Variants in ARB2A observed in about 807,000 individuals in gnomAD.
The protein encoded by ARB2A is cotranscriptional regulator ARB2A.
At chr5:93,856,027 A>C in the ARB2A span, among the ~76,000 whole-genome samples, 23 of 152,212 alleles carry the variant, frequency 1.5e-4, no homozygotes, top group South Asian at 4.2e-3. Context: ...GAGCTACAGG[A>C]GGAAATTCAA....
At chr5:93,801,806 A>C in the ARB2A span, among the ~76,000 whole-genome samples, 1 of 152,142 alleles carries the variant, frequency 6.6e-6, no homozygotes, top group East Asian at 1.9e-4. Flanking sequence ...ACTCACTGTG[A>C]AGACATCTAA....
At chr5:93,866,053 T>C in the ARB2A span, 2 of 983,316 alleles carry the variant, frequency 2.0e-6, no homozygotes, top group African/African-American at 1.7e-5. Context: ...TAATATGCTA[T>C]TAATTCTTAA....
At chr5:94,036,778 T>C in the ARB2A span, among the ~76,000 whole-genome samples, 5 of 152,336 alleles carry the variant, frequency 3.3e-5, no homozygotes, top group African/African-American at 1.2e-4. Context: ...CCCCATTTCA[T>C]GGCACTCATT....
the ARB2A span, among the ~76,000 whole-genome samples, chr5:93,659,631 C>A: frequency 6.6e-6 from 1 of 152,098 alleles, no homozygotes; most frequent in East Asian, 1.9e-4. Context: ...TAAAGAGAGG[C>A]TGGAAATTGT....
the ARB2A span, chr5:93,737,031 G>T: frequency 1.3e-5 from 2 of 152,158 alleles, no homozygotes; most frequent in African/African-American, 4.8e-5. Flanking sequence ...CAGATGATAT[G>T]ATTTATATGT....
chr5:94,108,122 T>C, the ARB2A span, among the ~76,000 whole-genome samples: 1 of 152,274 alleles, frequency 6.6e-6, no homozygotes, highest in African/African-American at 2.4e-5. Context: ...TTCTGGTACC[T>C]GCTCTTCTCA....
At chr5:94,110,894 T>C in the ARB2A span, among the ~76,000 whole-genome samples, 2 of 152,320 alleles carry the variant, frequency 1.3e-5, no homozygotes, top group South Asian at 2.1e-4. Flanking sequence ...ACGAGTTTCT[T>C]GGCCCAACAG....
At chr5:93,949,981 G>A in the ARB2A span, among the ~76,000 whole-genome samples, 1 of 152,094 alleles carries the variant, frequency 6.6e-6, no homozygotes, top group African/African-American at 2.4e-5. Flanking sequence ...TTCTGTGCCT[G>A]GATTATTTCA....
At chr5:93,948,450 T>G in the ARB2A span, among the ~76,000 whole-genome samples, 1 of 152,152 alleles carries the variant, frequency 6.6e-6, no homozygotes, top group Non-Finnish European at 1.5e-5. Context: ...TTTCTCCCAT[T>G]TTGTAGGCTG....
chr5:94,059,820 T>C, the ARB2A span, among the ~76,000 whole-genome samples: 1 of 151,752 alleles, frequency 6.6e-6, no homozygotes, highest in Admixed American at 6.6e-5. Context: ...AATAAAGATT[T>C]TTTTTCAGAC....
the ARB2A span, among the ~76,000 whole-genome samples, chr5:93,757,135 TC>T: frequency 4.6e-5 from 7 of 151,958 alleles, no homozygotes; most frequent in African/African-American, 1.7e-4. Context: ...AATTCAGAGC[TC>T]AAAGACAAGG....
chr5:94,037,766 TG>T, the ARB2A span, among the ~76,000 whole-genome samples: 2 of 152,142 alleles, frequency 1.3e-5, no homozygotes, highest in African/African-American at 4.8e-5. Context: ...TTCAAATATT[TG>T]GGTGCTAAAA....
At chr5:93,690,489 A>G in the ARB2A span, among the ~76,000 whole-genome samples, 1 of 152,176 alleles carries the variant, frequency 6.6e-6, no homozygotes, top group African/African-American at 2.4e-5. Context: ...TGAGGTAGCC[A>G]GACTGCCTCT....
At chr5:93,826,633 T>G in the ARB2A span, among the ~76,000 whole-genome samples, 1 of 152,126 alleles carries the variant, frequency 6.6e-6, no homozygotes, top group African/African-American at 2.4e-5. Context: ...TTAGGGTACA[T>G]GTGCACAATG....
chr5:93,718,876 CT>C, the ARB2A span, among the ~76,000 whole-genome samples: 1 of 152,302 alleles, frequency 6.6e-6, no homozygotes, highest in Admixed American at 6.5e-5. Flanking sequence ...GTACCTCTTT[CT>C]ATTTCACTGG....
At chr5:94,056,758 C>G in the ARB2A span, among the ~76,000 whole-genome samples, 4 of 152,076 alleles carry the variant, frequency 2.6e-5, no homozygotes, top group African/African-American at 9.7e-5. Flanking sequence ...TCACAATAGT[C>G]AAAAGGTAGA....
the ARB2A span, among the ~76,000 whole-genome samples, chr5:93,668,229 G>A: frequency 6.6e-6 from 1 of 152,214 alleles, no homozygotes; most frequent in Middle Eastern, 3.4e-3. Context: ...TCAGCCTCCT[G>A]AGTGGCTGTG....
At chr5:93,683,489 G>A in the ARB2A span, 1 of 1,584,390 alleles carries the variant, frequency 6.3e-7, no homozygotes, top group Non-Finnish European at 8.6e-7. Flanking sequence ...TTTCAAAGTT[G>A]CCAGTGTTAC....
the ARB2A span, among the ~76,000 whole-genome samples, chr5:93,970,161 A>T: frequency 2.0e-5 from 3 of 152,092 alleles, no homozygotes; most frequent in Admixed American, 6.5e-5. Context: ...TAAGATAAAA[A>T]ATTTCTATAT....
Sources: allele counts gnomAD v4.1 joint callset (sites outside exome capture counted in the v4.1 genomes callset), GRCh38; gene constraint gnomAD v4.1.1; transcripts MANE v1.5; gene names NCBI Gene and HGNC (gene_info 2026-07-23, HGNC 2026-07-21).